The following PJA2 variants were observed in gnomAD, a reference collection of about 807,000 sequenced individuals.
PJA2 encodes praja ring finger ubiquitin ligase 2.
PJA2 carries 25 observed loss-of-function variants against 69.3 expected under a neutral mutation model. That is an observed-to-expected ratio of 0.36 (90% CI 0.26 to 0.50). The LOEUF (loss-of-function observed/expected upper bound fraction) is 0.50. Ranked by LOEUF, PJA2 falls within the 20% of genes least tolerant of loss-of-function variation. PJA2 has a pLI of 0.96. For missense variants in PJA2, 809 were observed against 830.2 expected (o/e 0.97, Z 0.31); for synonymous variants, 308 against 277.8 (o/e 1.11, Z -1.08).
At chr5:109,406,593 C>T (rs747856640) in intron 1 of PJA2, among the ~76,000 whole-genome samples, 8 of 152,142 alleles carry the variant, frequency 5.3e-5, no homozygotes, top group Non-Finnish European at 8.8e-5. Flanking sequence ...AATGTGACAA[C>T]CACTCTGGAA....
intron 7 of PJA2, among the ~76,000 whole-genome samples, chr5:109,348,767 G>A (rs531968580): frequency 6.6e-6 from 1 of 152,304 alleles, no homozygotes; most frequent in South Asian, 2.1e-4. Flanking sequence ...CTGGCTGAGG[G>A]CAGGGAAAAT....
At chr5:109,355,227 A>G (rs974528156) in intron 7 of PJA2, among the ~76,000 whole-genome samples, 1 of 152,050 alleles carries the variant, frequency 6.6e-6, no homozygotes, top group Non-Finnish European at 1.5e-5. Flanking sequence ...TTGTTCTCTC[A>G]CCTGTGGCTC....
At chr5:109,341,496 C>G in intron 9 of PJA2, among the ~76,000 whole-genome samples, 1 of 140,758 alleles carries the variant, frequency 7.1e-6, no homozygotes, top group East Asian at 2.2e-4. Flanking sequence ...GCCACCCCAT[C>G]TGGGAAGTGA....
At chr5:109,397,240 T>C (rs1747435259) in intron 1 of PJA2, among the ~76,000 whole-genome samples, 1 of 152,226 alleles carries the variant, frequency 6.6e-6, no homozygotes, top group African/African-American at 2.4e-5. Flanking sequence ...AAATTTATTT[T>C]CTTTATAAAT....
At chr5:109,393,193 A>C (rs920034218) in intron 1 of PJA2, among the ~76,000 whole-genome samples, 17 of 152,186 alleles carry the variant, frequency 1.1e-4, no homozygotes, top group Non-Finnish European at 2.5e-4. Context: ...GCTGAGACGC[A>C]CTCCAGAAAA....
In PJA2 at chr5:109,372,923, A is replaced by G. The variant is rs866696344; in HGVS notation, c.1284-4177T>C. Among the ~76,000 whole-genome samples, 429 of 136,802 alleles carry G rather than the reference A, an allele frequency of 3.1e-3. 8 individuals are homozygous for G. Among genetic ancestry groups the G allele is most frequent in the African/African-American group, 9.3e-3 (337 of 36,100 alleles). 89.7% of individuals were successfully genotyped at this position (136,802 alleles called of 152,430 possible). ...TCCGTCTCAAAAAAAAAAAAAAAAA[A>G]AAAGAAAGAAAGAAAAAAAAATTAG... On this transcript the variant is annotated intron_variant, in intron 4 of 9. Coordinates refer to ENST00000361189, the MANE Select transcript of PJA2 (RefSeq NM_014819.5).
chr5:109,400,601 C>T (rs1747520216), intron 1 of PJA2, among the ~76,000 whole-genome samples: 1 of 152,020 alleles, frequency 6.6e-6, no homozygotes, highest in Non-Finnish European at 1.5e-5. Flanking sequence ...CTCAGTGATT[C>T]CCCCCTACAA....
chr5:109,366,204 C>A (rs1233913555), intron 5 of PJA2, among the ~76,000 whole-genome samples: 1 of 152,118 alleles, frequency 6.6e-6, no homozygotes, highest in East Asian at 1.9e-4. Context: ...CATGGTAATA[C>A]AAAAACTACC....
chr5:109,351,874 A>G (rs943846937), intron 7 of PJA2, among the ~76,000 whole-genome samples: 4 of 152,266 alleles, frequency 2.6e-5, no homozygotes, highest in Admixed American at 2.6e-4. Context: ...TTAAATATAA[A>G]AGAAATAATC....
At chr5:109,399,873 A>G (rs940111234) in intron 1 of PJA2, among the ~76,000 whole-genome samples, 2 of 152,202 alleles carry the variant, frequency 1.3e-5, no homozygotes, top group Non-Finnish European at 2.9e-5. Context: ...ACATGCATCA[A>G]CTCATGAGAA....
Position 109,409,956 on chromosome 5 carries a change from T to TGGC in PJA2, c.-205_-203dup, listed in dbSNP as rs574960372. 2,117 of 211,006 alleles carry TGGC rather than the reference T, an allele frequency of 0.01. 19 individuals are homozygous for TGGC. The highest frequency in any genetic ancestry group is 0.014 in the Non-Finnish European group (1,465 of 106,628). 13.1% of individuals were successfully genotyped at this position (211,006 alleles called of 1,614,324 possible). A position where few individuals can be genotyped will look rare whatever the true frequency, so the allele number is the denominator to read the frequency against. ...CCGAACGCGAAGCGGCTGGCGGCTG[T>TGGC]GGCGGCGGCGGCGGCGGTGGCGGCG... is the stretch of plus-strand genomic sequence containing the variant. On this transcript the variant is annotated 5_prime_UTR_variant, in exon 1 of 10. Coordinates refer to ENST00000361189, the MANE Select transcript of PJA2 (RefSeq NM_014819.5).
At chr5:109,402,450 T>C (rs1000485713) in intron 1 of PJA2, among the ~76,000 whole-genome samples, 1 of 152,190 alleles carries the variant, frequency 6.6e-6, no homozygotes, top group Non-Finnish European at 1.5e-5. Context: ...GAGGGCATTA[T>C]ATAATGATTA....
In PJA2 at chr5:109,337,111, T is replaced by A; in HGVS notation, c.*120A>T. On this transcript the variant is annotated 3_prime_UTR_variant, in exon 10 of 10. Transcript: ENST00000361189. ...AGAAAGGTTAATATTCTTTCTAAAC[T>A]ATGGCATATACTATATATAGCATTT... is the stretch of plus-strand genomic sequence containing the variant. 1.1e-6 allele frequency: 1 copy of A among 925,752 alleles called. No individual in the cohort carries two copies. The highest frequency in any genetic ancestry group is 1.5e-6 in the Non-Finnish European group (1 of 685,840). The allele number at this position is 925,752 out of a possible 1,614,324, so 57.3% of individuals were successfully genotyped here. A position where few individuals can be genotyped will look rare whatever the true frequency, so the allele number is the denominator to read the frequency against.
chr5:109,359,268 G>A (rs149941885), intron 6 of PJA2, among the ~76,000 whole-genome samples: 10 of 152,286 alleles, frequency 6.6e-5, no homozygotes, highest in African/African-American at 2.4e-4. Flanking sequence ...GCAATCAACT[G>A]TTTATTTTAT....
Position 109,356,032 on chromosome 5 carries a change from A to C in PJA2, c.1653-6T>G. On this transcript the variant is annotated splice_polypyrimidine_tract_variant and splice_region_variant and intron_variant, in intron 6 of 9. Coordinates refer to ENST00000361189, the MANE Select transcript of PJA2 (RefSeq NM_014819.5). ...CTGCAAAGCCATCAAATAGGCTGAA[A>C]AAAAAAAAAAATAACAGAAAAAACT... 6.3e-7 allele frequency: 1 copy of C among 1,581,300 alleles called. No individual in the cohort carries two copies. The highest frequency in any genetic ancestry group is 1.7e-4 in the Middle Eastern group (1 of 5,990).
In PJA2 at chr5:109,337,890, T is replaced by C. The variant is rs530592274; in HGVS notation, c.2002-534A>G. 7.2e-5 allele frequency among the ~76,000 whole-genome samples: 11 copies of C among 152,164 alleles called. No homozygotes were observed. In the South Asian group the frequency reaches 1.2e-3, roughly 17 times the overall value. On this transcript the variant is annotated intron_variant, in intron 9 of 9. Coordinates refer to ENST00000361189, the MANE Select transcript of PJA2 (RefSeq NM_014819.5). ...GCCTCATTTTAGGGTAGCACAGATA[T>C]GTCAAAGCAGATGGACTTCAGACTT...
chr5:109,393,630 T>C (rs1747332383), intron 1 of PJA2, among the ~76,000 whole-genome samples: 1 of 151,946 alleles, frequency 6.6e-6, no homozygotes, highest in Admixed American at 6.6e-5. Flanking sequence ...CCAGACCCCA[T>C]CTCTAAAAAA....
chr5:109,362,672 G>C (rs1036737299), intron 6 of PJA2, among the ~76,000 whole-genome samples, 168 bp downstream of exon 6: 3 of 152,216 alleles, frequency 2.0e-5, no homozygotes, highest in African/African-American at 7.2e-5. Flanking sequence ...GGAGGAAGTA[G>C]GAAAGGGTCC....
chr5:109,347,565 T>C (rs1262793527), intron 7 of PJA2, among the ~76,000 whole-genome samples: 1 of 152,228 alleles, frequency 6.6e-6, no homozygotes, highest in Non-Finnish European at 1.5e-5. Flanking sequence ...GCAGAGTACC[T>C]AGGGGCTTGG....
Sources: gnomAD v4.1 joint callset for allele counts (sites outside exome capture counted in the v4.1 genomes callset) on GRCh38, gnomAD v4.1.1 for gene constraint, MANE v1.5 for transcripts, NCBI Gene and HGNC (gene_info 2026-07-23, HGNC 2026-07-21) for gene names.